Variants in CDH18 observed in about 807,000 individuals in gnomAD.
CDH18 encodes cadherin-18.
CDH18 carries 31 observed loss-of-function variants against 67.9 expected under a neutral mutation model. The ratio of observed to expected loss-of-function variants is 0.46; its 90% CI spans 0.34 to 0.62. CDH18 has a LOEUF of 0.62. CDH18 is among the 20% of genes least tolerant of loss of function. The pLI is 0.01. For synonymous variants in CDH18, 362 were observed against 347.2 expected (o/e 1.04, Z -0.48); for missense variants, 890 against 975.5 (o/e 0.91, Z 1.17).
chr5:19,845,134 A>G (rs867335141), intron 2 of CDH18, among the ~76,000 whole-genome samples: 8 of 152,174 alleles, frequency 5.3e-5, no homozygotes, highest in African/African-American at 1.2e-4. Flanking sequence ...ATAGTTGTTA[A>G]GATAGTTTCT....
chr5:19,789,858 TAATA>T (rs1466162069), intron 3 of CDH18, among the ~76,000 whole-genome samples: 1 of 150,876 alleles, frequency 6.6e-6, no homozygotes, highest in Non-Finnish European at 1.5e-5. Context: ...CATATATGAA[TAATA>T]AATGAATATA....
chr5:20,275,074 A>G (rs569563766), intron 1 of CDH18, among the ~76,000 whole-genome samples: 1 of 152,166 alleles, frequency 6.6e-6, no homozygotes, highest in Non-Finnish European at 1.5e-5. Flanking sequence ...AGAAAAGAAA[A>G]GCTAAAGATT....
rs572698989 is a variant in CDH18 at position 20,135,570 on chromosome 5, G to GT, written c.-518+119873dup. On this transcript the variant is annotated intron_variant, in intron 2 of 14. Coordinates refer to the CDH18 transcript ENST00000507958. ...CCTAGATTCATTGATTTTTTGAAGA[G>GT]TTTTTTGTGTCTCTAATTCCTTCAG... Among the ~76,000 whole-genome samples, 17 of 152,182 alleles carry GT rather than the reference G, an allele frequency of 1.1e-4. No homozygotes were observed. In the East Asian group the frequency reaches 3.1e-3, roughly 28 times the overall value.
At chr5:19,809,612 T>A (rs116411142) in intron 3 of CDH18, among the ~76,000 whole-genome samples, 1,696 of 152,244 alleles carry the variant, frequency 0.011, 30 homozygotes, top group African/African-American at 0.038. Context: ...GTAAAAAAAG[T>A]TTCATATGAG....
chr5:20,425,190 A>T (rs947714795), intron 1 of CDH18, among the ~76,000 whole-genome samples: 1 of 150,774 alleles, frequency 6.6e-6, no homozygotes, highest in African/African-American at 2.5e-5. Context: ...ACATGGTGAA[A>T]GTGTGTCTCT....
chr5:20,006,190 A>T (rs1452000190), intron 2 of CDH18, among the ~76,000 whole-genome samples: 1 of 151,898 alleles, frequency 6.6e-6, no homozygotes, highest in Non-Finnish European at 1.5e-5. Flanking sequence ...AATCAAAGAG[A>T]AATTTTTTTA....
chr5:19,774,426 T>TTAAAATAAAA (rs70950101), intron 3 of CDH18, among the ~76,000 whole-genome samples: 13,443 of 139,374 alleles, frequency 0.096, 2,153 homozygotes, highest in African/African-American at 0.32. Context: ...TAAAATAAAA[T>TTAAAATAAAA]TAAAATAAAA....
intron 3 of CDH18, among the ~76,000 whole-genome samples, chr5:19,752,413 C>A (rs148337807): frequency 6.6e-6 from 1 of 152,104 alleles, no homozygotes; most frequent in Non-Finnish European, 1.5e-5. Context: ...GGCTCTCCCC[C>A]ACTTCCTTGA....
At chr5:20,128,311 C>G (rs1051967320) in intron 2 of CDH18, among the ~76,000 whole-genome samples, 1 of 151,942 alleles carries the variant, frequency 6.6e-6, no homozygotes, top group Non-Finnish European at 1.5e-5. Context: ...AGATATGGTG[C>G]TATTATTTTT....
At chr5:20,262,413 T>C (rs1228796508) in intron 1 of CDH18, among the ~76,000 whole-genome samples, 1 of 152,228 alleles carries the variant, frequency 6.6e-6, no homozygotes, top group Non-Finnish European at 1.5e-5. Flanking sequence ...ATGTTTTCTA[T>C]AAAATTATTC....
intron 1 of CDH18, among the ~76,000 whole-genome samples, chr5:20,396,969 TA>T (rs1408547426): frequency 1.3e-5 from 2 of 152,202 alleles, no homozygotes; most frequent in Non-Finnish European, 2.9e-5. Context: ...CCTATGCTTC[TA>T]TAGCTGGGCA....
chr5:19,683,324 T>C lies in CDH18; in HGVS notation c.643+38023A>G, dbSNP rs191586321. Among the ~76,000 whole-genome samples the C allele has an allele frequency of 1.8e-3, 267 of 152,214 alleles. 1 individual carries two copies. Among genetic ancestry groups the C allele is most frequent in the African/African-American group, 6.1e-3 (253 of 41,566 alleles). On this transcript the variant is annotated intron_variant, in intron 5 of 12. Coordinates refer to ENST00000382275, the MANE Select transcript of CDH18 (RefSeq NM_004934.5). ...TTTGCCATATTCTATTTTTCTAATA[T>C]ATGCTGTGTTTCTTAGACAGTTGAT...
intron 4 of CDH18, among the ~76,000 whole-genome samples, chr5:19,736,968 A>C (rs1343509560): frequency 6.6e-6 from 1 of 152,210 alleles, no homozygotes; most frequent in African/African-American, 2.4e-5. Context: ...GATTTCAAGA[A>C]GATGTGCAAT....
At chr5:20,099,549 A>T (rs1280998690) in intron 2 of CDH18, among the ~76,000 whole-genome samples, 1 of 152,116 alleles carries the variant, frequency 6.6e-6, no homozygotes, top group Non-Finnish European at 1.5e-5. Flanking sequence ...TCATACATCT[A>T]TCTACTCAGA....
chr5:20,342,186 G>A (rs1272585191), intron 1 of CDH18, among the ~76,000 whole-genome samples: 1 of 152,160 alleles, frequency 6.6e-6, no homozygotes, highest in Non-Finnish European at 1.5e-5. Flanking sequence ...GTTAAAGTGA[G>A]GGTATTGATT....
intron 2 of CDH18, among the ~76,000 whole-genome samples, chr5:20,220,987 T>TG (rs1741176458): frequency 6.6e-6 from 1 of 152,018 alleles, no homozygotes; most frequent in Non-Finnish European, 1.5e-5. Context: ...CTGGAGAGGA[T>TG]GCAGAGAAAA....
At chr5:19,729,833 T>G (rs893582389) in intron 4 of CDH18, among the ~76,000 whole-genome samples, 1 of 152,190 alleles carries the variant, frequency 6.6e-6, no homozygotes, top group Non-Finnish European at 1.5e-5. Flanking sequence ...TTATCTCAAA[T>G]TGATTTCCTA....
intron 1 of CDH18, among the ~76,000 whole-genome samples, chr5:20,267,145 T>A (rs1745102629): frequency 1.3e-5 from 2 of 152,228 alleles, no homozygotes; most frequent in African/African-American, 4.8e-5. Context: ...AAATAGGGGT[T>A]CAGTTTCATA....
chr5:20,561,425 A>G (rs1758204196), intron 1 of CDH18, among the ~76,000 whole-genome samples: 1 of 152,136 alleles, frequency 6.6e-6, no homozygotes, highest in African/African-American at 2.4e-5. Context: ...TTTCCGTGCT[A>G]TAAAGAAATG....
Sources: allele counts gnomAD v4.1 joint callset (sites outside exome capture counted in the v4.1 genomes callset), GRCh38; gene constraint gnomAD v4.1.1; transcripts MANE v1.5; gene names NCBI Gene and HGNC (gene_info 2026-07-23, HGNC 2026-07-21).